CLASP2: variants seen among roughly 807,000 people sequenced by gnomAD.
CLASP2 encodes CLIP-associating protein 2.
A neutral mutation model predicts 194.4 loss-of-function variants in CLASP2; 47 were observed. The observed-to-expected ratio is 0.24, with a 90% CI of 0.19 to 0.31. CLASP2 has a LOEUF of 0.31. CLASP2 is among the 10% of genes least tolerant of loss of function. CLASP2 has a pLI of 1.00. For synonymous variants in CLASP2, 619 were observed against 633.5 expected, an observed-to-expected ratio of 0.98 and a Z score of 0.34; for missense variants, 1,445 against 1,823.6, an observed-to-expected ratio of 0.79 and a Z score of 3.78.
intron 7 of CLASP2, among the ~76,000 whole-genome samples, chr3:33,647,489 G>A (rs946395475): frequency 6.6e-6 from 1 of 152,102 alleles, no homozygotes; most frequent in African/African-American, 2.4e-5. Context: ...CCTAGGGGAG[G>A]GGATGGCATT....
chr3:33,502,196 G>A (rs1437128273), intron 37 of CLASP2: 1 of 153,776 alleles, frequency 6.5e-6, no homozygotes, highest in Non-Finnish European at 1.4e-5. Context: ...TTTTACATCT[G>A]TTCCATCCCT....
At chr3:33,669,784 T>C (rs1423535887) in intron 6 of CLASP2, among the ~76,000 whole-genome samples, 3 of 152,096 alleles carry the variant, frequency 2.0e-5, no homozygotes, top group African/African-American at 7.2e-5. Context: ...ATGGTGAATA[T>C]GTAGAATAAT....
At chr3:33,628,464 T>C (rs2078448346) in intron 9 of CLASP2, among the ~76,000 whole-genome samples, 1 of 152,088 alleles carries the variant, frequency 6.6e-6, no homozygotes. Context: ...CTTCAAACAT[T>C]CTTTTAGCAG....
intron 21 of CLASP2, among the ~76,000 whole-genome samples, chr3:33,586,655 T>A (rs916491465): frequency 2.0e-5 from 3 of 152,118 alleles, no homozygotes; most frequent in Non-Finnish European, 2.9e-5. Context: ...AGATAAGAAC[T>A]CCAAGATATA....
At chr3:33,600,109 T>G (rs530153216) in intron 18 of CLASP2, among the ~76,000 whole-genome samples, 39 of 152,214 alleles carry the variant, frequency 2.6e-4, no homozygotes, top group African/African-American at 8.9e-4. Flanking sequence ...TGTGTGTGGA[T>G]TCCTTAGGAT....
intron 14 of CLASP2, among the ~76,000 whole-genome samples, chr3:33,607,855 T>G (rs961449690): frequency 1.3e-5 from 2 of 152,180 alleles, no homozygotes; most frequent in African/African-American, 4.8e-5. Context: ...CTGACCAAAT[T>G]TGAATAGTAG....
intron 38 of CLASP2, among the ~76,000 whole-genome samples, chr3:33,500,341 G>A (rs1232999952): frequency 6.6e-6 from 1 of 152,002 alleles, no homozygotes; most frequent in Non-Finnish European, 1.5e-5. Flanking sequence ...TTCATCTAAC[G>A]TTATTCCAAA....
At chr3:33,619,412 T>C (rs987613523) in intron 12 of CLASP2, among the ~76,000 whole-genome samples, 191 bp downstream of exon 12, 2 of 152,030 alleles carry the variant, frequency 1.3e-5, no homozygotes, top group African/African-American at 2.4e-5. Flanking sequence ...TCTAGTTCTA[T>C]AATGACCATC....
Position 33,569,465 on chromosome 3 carries a change from A to G in CLASP2, c.2763+1262T>C, listed in dbSNP as rs80198448. Among the ~76,000 whole-genome samples, 180 of 152,324 alleles carry G rather than the reference A, an allele frequency of 1.2e-3. 1 individual carries two copies. In the East Asian group the frequency reaches 0.028, roughly 24 times the overall value. ...TGTTTAATAAAACAAATTAACCCAA[A>G]TAACTGTCTTGTCCTTTGGCTTATA... On this transcript the variant is annotated intron_variant, in intron 26 of 38. Coordinates refer to ENST00000682230, the MANE Select transcript of CLASP2 (RefSeq NM_001365631.1).
chr3:33,584,965 G>A, intron 21 of CLASP2, 45 bp from the exon 22 acceptor site: 1 of 1,513,222 alleles, frequency 6.6e-7, no homozygotes, highest in Non-Finnish European at 8.9e-7. Flanking sequence ...TAAATGCCAA[G>A]AGAATTTGCT....
intron 1 of CLASP2, among the ~76,000 whole-genome samples, chr3:33,713,012 C>CAGAAAAA (rs1559717375): frequency 2.6e-4 from 12 of 46,990 alleles, no homozygotes; most frequent in Non-Finnish European, 3.0e-4. Flanking sequence ...AACTCCACCT[C>CAGAAAAA]AAAAAAAAAA....
At chr3:33,593,427 C>A (rs556480482) in intron 20 of CLASP2, among the ~76,000 whole-genome samples, 181 of 152,240 alleles carry the variant, frequency 1.2e-3, no homozygotes, top group South Asian at 2.3e-3. Context: ...ACATGAAATA[C>A]TGGCTAGCCC....
chr3:33,600,922 C>A (rs1043197991), intron 18 of CLASP2, among the ~76,000 whole-genome samples: 1 of 147,998 alleles, frequency 6.8e-6, no homozygotes, highest in Non-Finnish European at 1.5e-5. Context: ...AGTGTCCCAT[C>A]ACTAATTCAC....
intron 29 of CLASP2, among the ~76,000 whole-genome samples, chr3:33,552,732 C>G (rs958519699): frequency 6.6e-6 from 1 of 152,172 alleles, no homozygotes; most frequent in Admixed American, 6.5e-5. Flanking sequence ...AAAATCTACT[C>G]TTTTAGCAAA....
intron 7 of CLASP2, chr3:33,658,978 T>C: frequency 6.5e-7 from 1 of 1,535,736 alleles, no homozygotes; most frequent in South Asian, 1.2e-5. Context: ...ACTCACCATC[T>C]CCCATAGCCA....
chr3:33,543,339 C>T (rs1480576127), intron 32 of CLASP2, 94 bp downstream of exon 32: 1 of 842,854 alleles, frequency 1.2e-6, no homozygotes, highest in Non-Finnish European at 2.0e-6. Context: ...CACCACCACA[C>T]TCCAGCCTGG....
chr3:33,606,926 G>C (rs2073991335), intron 15 of CLASP2, among the ~76,000 whole-genome samples, 168 bp from the exon 16 acceptor site: 1 of 152,224 alleles, frequency 6.6e-6, no homozygotes, highest in Admixed American at 6.5e-5. Flanking sequence ...TGGAAAGACT[G>C]AAGGCTTTTG....
chr3:33,559,358 G>A lies in CLASP2; in HGVS notation c.2958C>T (p.Phe986=), dbSNP rs747567627. The A allele has an allele frequency of 8.8e-6, 14 of 1,596,306 alleles. No individual in the cohort carries two copies. Among genetic ancestry groups the A allele is most frequent in the Non-Finnish European group, 1.2e-5 (14 of 1,169,676 alleles). ...TRESFPNDLQ[F]NILMRFTVDQ... The stretch of plus-strand genomic sequence containing the variant: ...CAACTGTAAATCTCATTAGAATATT[G>A]AACTGAAGATCATTTGGAAAAGACT... The change falls in exon 29 of 39, where the codon TTC becomes TTT. Residue 986 remains phenylalanine, a synonymous_variant. Coordinates refer to ENST00000682230, the MANE Select transcript of CLASP2 (RefSeq NM_001365631.1).
At chr3:33,612,359 G>A (rs1442127926) in intron 12 of CLASP2, among the ~76,000 whole-genome samples, 1 of 152,170 alleles carries the variant, frequency 6.6e-6, no homozygotes, top group East Asian at 1.9e-4. Context: ...GGGGGAGAGG[G>A]AGCACTAAGA....
Sources: gnomAD v4.1 joint callset for allele counts (sites outside exome capture counted in the v4.1 genomes callset) on GRCh38, gnomAD v4.1.1 for gene constraint, MANE v1.5 for transcripts, NCBI Gene and HGNC (gene_info 2026-07-23, HGNC 2026-07-21) for gene names.